HS6ST3: variants seen among roughly 807,000 people sequenced by gnomAD.
HS6ST3 encodes the protein heparan sulfate 6-O-sulfotransferase 3.
HS6ST3 carries 12 observed loss-of-function variants against 36.7 expected under a neutral mutation model. The ratio of observed to expected loss-of-function variants is 0.33; its 90% CI spans 0.21 to 0.53. HS6ST3 has a LOEUF of 0.53. Ranked by LOEUF, HS6ST3 falls within the 20% of genes least tolerant of loss-of-function variation. HS6ST3 has a pLI of 0.95. For synonymous variants in HS6ST3, 240 were observed against 257.5 expected, an observed-to-expected ratio of 0.93 and a Z score of 0.65; for missense variants, 584 against 640.9, an observed-to-expected ratio of 0.91 and a Z score of 0.96.
chr13:96,440,315 C>T (rs990428004), intron 1 of HS6ST3, among the ~76,000 whole-genome samples: 2 of 151,938 alleles, frequency 1.3e-5, no homozygotes, highest in Non-Finnish European at 1.5e-5. Flanking sequence ...GGCATAGTGG[C>T]GCACACCTTA....
chr13:96,572,878 C>A (rs1039038410), intron 1 of HS6ST3, among the ~76,000 whole-genome samples: 2 of 152,158 alleles, frequency 1.3e-5, no homozygotes, highest in Non-Finnish European at 2.9e-5. Context: ...CATTCTAATT[C>A]CAAGAAGCAA....
At chr13:96,427,333 C>T (rs1039702041) in intron 1 of HS6ST3, 1 of 153,670 alleles carries the variant, frequency 6.5e-6, no homozygotes. Context: ...TAAGATAGTA[C>T]CTGTCAAATA....
chr13:96,416,295 A>G (rs1286197650), intron 1 of HS6ST3, among the ~76,000 whole-genome samples: 3 of 152,226 alleles, frequency 2.0e-5, no homozygotes, highest in Non-Finnish European at 2.9e-5. Context: ...GCATTAAAAT[A>G]TATTTGCAGT....
intron 1 of HS6ST3, among the ~76,000 whole-genome samples, chr13:96,282,880 T>C (rs1478297551): frequency 6.6e-6 from 1 of 152,198 alleles, no homozygotes; most frequent in Non-Finnish European, 1.5e-5. Flanking sequence ...GCTGTTGTGA[T>C]CATGAATTTT....
chr13:96,759,046 C>T (rs1876901529), intron 1 of HS6ST3, among the ~76,000 whole-genome samples: 1 of 151,618 alleles, frequency 6.6e-6, no homozygotes, highest in Admixed American at 6.6e-5. Flanking sequence ...AAGAATCAAC[C>T]TTTTTATTAT....
intron 1 of HS6ST3, among the ~76,000 whole-genome samples, chr13:96,117,430 G>A (rs959085601): frequency 7.2e-5 from 11 of 152,270 alleles, no homozygotes; most frequent in Admixed American, 3.9e-4. Flanking sequence ...TTGTAATTGC[G>A]AAAGTATTTT....
At chr13:96,734,259 C>T (rs1486318791) in intron 1 of HS6ST3, among the ~76,000 whole-genome samples, 1 of 152,200 alleles carries the variant, frequency 6.6e-6, no homozygotes, top group Non-Finnish European at 1.5e-5. Context: ...ATACTCTACA[C>T]CATTGCTACA....
chr13:96,119,861 CA>C lies in HS6ST3; in HGVS notation c.707+28293del, dbSNP rs961561903. 2.8e-5 allele frequency among the ~76,000 whole-genome samples: 4 copies of C among 142,122 alleles called. 1 individual carries two copies. In the Admixed American group the frequency reaches 2.9e-4, roughly 10 times the overall value. The allele number at this position is 142,122 out of a possible 152,430, so 93.2% of individuals were successfully genotyped here. ...AAATTACTTTCACAGACTATTGCAG[CA>C]TTAAATATAATAGGAAAAAAAAAAA... is the stretch of plus-strand genomic sequence containing the variant. On this transcript the variant is annotated intron_variant, in intron 1 of 1. Coordinates refer to ENST00000376705, the MANE Select transcript of HS6ST3 (RefSeq NM_153456.4).
chr13:96,650,664 G>C (rs185142836), intron 1 of HS6ST3, among the ~76,000 whole-genome samples: 218 of 152,050 alleles, frequency 1.4e-3, no homozygotes, highest in African/African-American at 5.1e-3. Flanking sequence ...CAGGCAGCAG[G>C]GTGGAAGACT....
intron 1 of HS6ST3, among the ~76,000 whole-genome samples, chr13:96,762,340 C>T (rs1029795877): frequency 1.6e-4 from 24 of 152,128 alleles, no homozygotes; most frequent in African/African-American, 5.5e-4. Flanking sequence ...ATTAGCTGGG[C>T]ATGGTGGTGG....
At chr13:96,248,694 G>T (rs139301862) in intron 1 of HS6ST3, among the ~76,000 whole-genome samples, 266 of 152,188 alleles carry the variant, frequency 1.7e-3, no homozygotes, top group African/African-American at 6.2e-3. Flanking sequence ...TGAGGACATT[G>T]GACAGGTATT....
At chr13:96,624,294 A>G (rs1450719817) in intron 1 of HS6ST3, among the ~76,000 whole-genome samples, 8 of 152,178 alleles carry the variant, frequency 5.3e-5, no homozygotes. Context: ...CTTCAAAGGT[A>G]ACACTTCTGA....
intron 1 of HS6ST3, among the ~76,000 whole-genome samples, chr13:96,745,888 C>A (rs965477667): frequency 6.6e-6 from 1 of 152,048 alleles, no homozygotes; most frequent in African/African-American, 2.4e-5. Flanking sequence ...CTGGAACCTT[C>A]CTTTCATCTT....
chr13:96,724,017 A>T (rs1187671038), intron 1 of HS6ST3, among the ~76,000 whole-genome samples: 1 of 152,092 alleles, frequency 6.6e-6, no homozygotes, highest in Non-Finnish European at 1.5e-5. Context: ...TTTTACAAAA[A>T]GTTTTCTCTT....
chr13:96,762,941 A>G (rs1318323640), intron 1 of HS6ST3, among the ~76,000 whole-genome samples: 1 of 152,112 alleles, frequency 6.6e-6, no homozygotes, highest in Non-Finnish European at 1.5e-5. Context: ...TTTATTCCTT[A>G]AATTTCAGGA....
chr13:96,166,909 A>AT, intron 1 of HS6ST3, among the ~76,000 whole-genome samples: 1 of 151,952 alleles, frequency 6.6e-6, no homozygotes, highest in Non-Finnish European at 1.5e-5. Context: ...AAATCTGATC[A>AT]TTTTTTAAAG....
chr13:96,642,160 G>T (rs1470517053), intron 1 of HS6ST3, among the ~76,000 whole-genome samples: 2 of 151,580 alleles, frequency 1.3e-5, no homozygotes, highest in Non-Finnish European at 3.0e-5. Flanking sequence ...TAAAGTTTTT[G>T]GTTGCTAGTT....
chr13:96,366,576 G>A (rs1448651050), intron 1 of HS6ST3, among the ~76,000 whole-genome samples: 1 of 152,072 alleles, frequency 6.6e-6, no homozygotes, highest in African/African-American at 2.4e-5. Context: ...TCTCAATTTT[G>A]GGTGCACATC....
At chr13:96,320,976 C>T (rs997815929) in intron 1 of HS6ST3, among the ~76,000 whole-genome samples, 1 of 152,078 alleles carries the variant, frequency 6.6e-6, no homozygotes, top group African/African-American at 2.4e-5. Context: ...ATTTCTGACC[C>T]CTTCCTGGGG....
Sources: gnomAD v4.1 joint callset for allele counts (sites outside exome capture counted in the v4.1 genomes callset) on GRCh38, gnomAD v4.1.1 for gene constraint, MANE v1.5 for transcripts, NCBI Gene and HGNC (gene_info 2026-07-23, HGNC 2026-07-21) for gene names.